The following NTNG1 variants were observed in gnomAD, a reference collection of about 807,000 sequenced individuals.
The protein encoded by NTNG1 is netrin G1, also known as netrin-G1.
NTNG1 carries 16 observed loss-of-function variants against 54.0 expected under a neutral mutation model. The ratio of observed to expected loss-of-function variants is 0.30; its 90% CI spans 0.20 to 0.45. NTNG1 has a LOEUF of 0.45. NTNG1 is among the 20% of genes least tolerant of loss of function. NTNG1 has a pLI of 1.00. For synonymous variants in NTNG1, 255 were observed against 263.1 expected, an observed-to-expected ratio of 0.97 and a Z score of 0.30; for missense variants, 530 against 678.7, an observed-to-expected ratio of 0.78 and a Z score of 2.43.
intron 2 of NTNG1, among the ~76,000 whole-genome samples, chr1:107,156,261 A>G (rs1255660000): frequency 1.3e-5 from 2 of 152,246 alleles, no homozygotes; most frequent in African/African-American, 2.4e-5. Flanking sequence ...TGCTCTCAGA[A>G]AAGAAATTGT....
At chr1:107,184,905 C>G (rs531876270) in intron 2 of NTNG1, among the ~76,000 whole-genome samples, 1 of 152,272 alleles carries the variant, frequency 6.6e-6, no homozygotes, top group African/African-American at 2.4e-5. Context: ...TGTCTCTGCT[C>G]CACAATTTCT....
rs930497565 is a variant in NTNG1, at chr1:107,484,872, A to T, written c.*4032A>T. On this transcript the variant is annotated 3_prime_UTR_variant, in exon 8 of 8. Coordinates refer to ENST00000370068, the MANE Select transcript of NTNG1 (RefSeq NM_001113226.3). The stretch of plus-strand genomic sequence containing the variant: ...GTTGTTGTACTTTACCGGTTGTTAA[A>T]CACTAAATAAAATACCTGTTTAACA... Among the ~76,000 whole-genome samples the T allele has an allele frequency of 5.9e-5, 9 of 152,352 alleles. No individual in the cohort carries two copies. The highest frequency in any genetic ancestry group is 2.2e-4 in the African/African-American group (9 of 41,582).
chr1:107,484,555 T>G lies in NTNG1; in HGVS notation c.*3715T>G, dbSNP rs1678916664. Among the ~76,000 whole-genome samples the G allele has an allele frequency of 1.3e-5, 2 of 152,186 alleles. No homozygotes were observed. Among genetic ancestry groups the G allele is most frequent in the African/African-American group, 4.8e-5 (2 of 41,440 alleles). The stretch of plus-strand genomic sequence containing the variant: ...GGTGCCCTTGAGTCAGATCCCTAAG[T>G]TGGCACAAACTGCTAACCACATAAC... On this transcript the variant is annotated 3_prime_UTR_variant, in exon 8 of 8. Coordinates refer to ENST00000370068, the MANE Select transcript of NTNG1 (RefSeq NM_001113226.3).
chr1:107,347,286 G>A (rs1227797402), intron 3 of NTNG1, among the ~76,000 whole-genome samples: 1 of 152,074 alleles, frequency 6.6e-6, no homozygotes, highest in Admixed American at 6.6e-5. Flanking sequence ...GATCAAGGTG[G>A]GAGGACTGTT....
chr1:107,353,790 C>T (rs1231560822), intron 3 of NTNG1, among the ~76,000 whole-genome samples: 5 of 152,214 alleles, frequency 3.3e-5, no homozygotes, highest in African/African-American at 1.2e-4. Flanking sequence ...TATGTTTCCA[C>T]AGGCTGTACA....
Position 107,324,457 on chromosome 1 carries a change from C to T in NTNG1, c.422C>T (p.Thr141Ile). The change falls in exon 3 of 8, where the codon ACC (threonine) becomes ATC (isoleucine). Residue 141 changes from threonine to isoleucine, a missense_variant. Thr to Ile is a moderately conservative substitution (Grantham distance 89). Around this residue, in one of 2 missense-constraint regions of NTNG1, gnomAD observed 318 missense variants for 465.1 expected, o/e 0.68. Coordinates refer to ENST00000370068, the MANE Select transcript of NTNG1 (RefSeq NM_001113226.3). ...QVNITLSWSK[T>I]IELTDNIVIT... is the part of the protein sequence containing the mutation. Reference sequence around the variant, plus strand: ...AACATCACTCTGTCTTGGAGCAAAACCATTGAGCTAACAGACAACATAGTT... The same window carrying T: ...AACATCACTCTGTCTTGGAGCAAAATCATTGAGCTAACAGACAACATAGTT... The T allele has an allele frequency of 6.2e-7, 1 of 1,613,812 alleles. No homozygotes were observed.
At chr1:107,269,828 T>A (rs1193899938) in intron 2 of NTNG1, among the ~76,000 whole-genome samples, 1 of 152,226 alleles carries the variant, frequency 6.6e-6, no homozygotes, top group Non-Finnish European at 1.5e-5. Context: ...CTTTTCACGT[T>A]CAGACTTCTG....
chr1:107,235,525 C>G lies in NTNG1; in HGVS notation c.246+86686C>G, dbSNP rs528824886. Among the ~76,000 whole-genome samples, 6 of 152,300 alleles carry G rather than the reference C, an allele frequency of 3.9e-5. No individual in the cohort carries two copies. In the East Asian group the frequency reaches 9.7e-4, roughly 25 times the overall value. On this transcript the variant is annotated intron_variant, in intron 2 of 7. Transcript: ENST00000370068. ...GGAACCTCAGCCTCTGGTCCCCACA[C>G]TTTCATGGGCTTTACCTTCAGGAGC...
intron 2 of NTNG1, among the ~76,000 whole-genome samples, chr1:107,181,723 C>T (rs1657086798): frequency 6.6e-6 from 1 of 152,130 alleles, no homozygotes; most frequent in South Asian, 2.1e-4. Context: ...GCTGTCTGCA[C>T]TGACTTGGGG....
At chr1:107,470,242 A>G (rs1156330851) in intron 7 of NTNG1, among the ~76,000 whole-genome samples, 1 of 152,242 alleles carries the variant, frequency 6.6e-6, no homozygotes, top group Non-Finnish European at 1.5e-5. Flanking sequence ...GTGATTACAT[A>G]ATTCATTTCT....
intron 4 of NTNG1, among the ~76,000 whole-genome samples, chr1:107,404,309 A>G (rs991291168): frequency 6.6e-6 from 1 of 152,120 alleles, no homozygotes; most frequent in African/African-American, 2.4e-5. Flanking sequence ...AATGCTAAAC[A>G]GTTTCCCCAG....
At chr1:107,195,326 A>G (rs1030747794) in intron 2 of NTNG1, among the ~76,000 whole-genome samples, 13 of 151,998 alleles carry the variant, frequency 8.6e-5, no homozygotes, top group African/African-American at 3.1e-4. Context: ...GCATGCTGCC[A>G]TCCTGCTCCT....
intron 5 of NTNG1, among the ~76,000 whole-genome samples, chr1:107,416,243 G>A (rs972784796): frequency 4.6e-5 from 7 of 152,020 alleles, no homozygotes; most frequent in African/African-American, 1.7e-4. Flanking sequence ...ATTTTCATAT[G>A]ATGGCTGCTG....
chr1:107,434,453 A>C (rs17531363), intron 6 of NTNG1, among the ~76,000 whole-genome samples: 38,879 of 152,062 alleles, frequency 0.26, 5,635 homozygotes, highest in Non-Finnish European at 0.3. Context: ...GTTTCATGTA[A>C]ACTTGAGCAT....
At chr1:107,154,300 G>T (rs1654802003) in intron 2 of NTNG1, among the ~76,000 whole-genome samples, 1 of 151,948 alleles carries the variant, frequency 6.6e-6, no homozygotes, top group South Asian at 2.1e-4. Flanking sequence ...GTGCCAGAAA[G>T]GGAGAGAAAA....
chr1:107,444,510 C>A (rs556075240), intron 7 of NTNG1, among the ~76,000 whole-genome samples: 2 of 152,136 alleles, frequency 1.3e-5, no homozygotes, highest in African/African-American at 4.8e-5. Flanking sequence ...ACATACCAGA[C>A]GGCAATTCCA....
At chr1:107,437,315 G>A (rs1475371365) in intron 7 of NTNG1, among the ~76,000 whole-genome samples, 1 of 152,234 alleles carries the variant, frequency 6.6e-6, no homozygotes, top group East Asian at 1.9e-4. Context: ...GGCAAAAATC[G>A]ATATTGATTT....
chr1:107,324,844 C>G lies in NTNG1; in HGVS notation c.809C>G (p.Ala270Gly). 1 of 1,613,460 alleles carries G rather than the reference C, an allele frequency of 6.2e-7. No individual in the cohort carries two copies. The highest frequency in any genetic ancestry group is 8.5e-7 in the Non-Finnish European group (1 of 1,179,658). ...TDLRIRLLRP[A>G]VGEIFVDELH... Reference sequence around the variant, plus strand: ...CTGAGGATAAGGCTGTTAAGACCAGCCGTTGGGGAAATATTTGTAGATGAG... The same window carrying G: ...CTGAGGATAAGGCTGTTAAGACCAGGCGTTGGGGAAATATTTGTAGATGAG... The change falls in exon 3 of 8, where the codon GCC becomes GGC. Residue 270 changes from alanine to glycine, a missense_variant. Ala to Gly is a moderately conservative substitution (Grantham distance 60). Around this residue, in one of 2 missense-constraint regions of NTNG1, gnomAD observed 318 missense variants for 465.1 expected, o/e 0.68. Transcript: ENST00000370068.
chr1:107,158,293 A>G (rs17018497), intron 2 of NTNG1, among the ~76,000 whole-genome samples: 4,267 of 152,246 alleles, frequency 0.028, 203 homozygotes, highest in African/African-American at 0.097. Flanking sequence ...TAAGCATAAG[A>G]TTGGAAAAAA....
Sources: allele counts gnomAD v4.1 joint callset (sites outside exome capture counted in the v4.1 genomes callset), GRCh38; gene constraint gnomAD v4.1.1; regional missense constraint gnomAD v4.1.1; transcripts MANE v1.5; gene names NCBI Gene and HGNC (gene_info 2026-07-23, HGNC 2026-07-21).